The following YPEL5 variants were observed in gnomAD, a reference collection of about 807,000 sequenced individuals.
YPEL5 encodes protein yippee-like 5.
A neutral mutation model predicts 10.5 loss-of-function variants in YPEL5; 1 was observed. The observed-to-expected ratio is 0.10, with a 90% CI of 0.03 to 0.45. YPEL5 has a LOEUF of 0.45. Among genes scored for constraint, YPEL5 ranks in the 20% least tolerant of loss-of-function variants. YPEL5 has a pLI of 0.97. For missense variants in YPEL5, 68 were observed against 159.3 expected, an observed-to-expected ratio of 0.43 and a Z score of 3.09; for synonymous variants, 61 against 56.6, an observed-to-expected ratio of 1.08 and a Z score of -0.35.
In YPEL5 at chr2:30,155,362, C is replaced by T. The variant is rs553170388; in HGVS notation, c.-24-1266C>T. ...AGACCGCCTAATGGCTGGGGAAGTTCATAGACCTAGAAGGAATGGAATTTC... is the reference window on the plus strand; with the variant it reads ...AGACCGCCTAATGGCTGGGGAAGTTTATAGACCTAGAAGGAATGGAATTTC... On this transcript the variant is annotated intron_variant, in intron 1 of 2. Coordinates refer to ENST00000261353, the MANE Select transcript of YPEL5 (RefSeq NM_016061.3). Among the ~76,000 whole-genome samples, 428 of 152,264 alleles carry T rather than the reference C, an allele frequency of 2.8e-3. 3 individuals are homozygous for T. The highest frequency in any genetic ancestry group is 4.8e-3 in the Non-Finnish European group (326 of 68,022).
intron 1 of YPEL5, among the ~76,000 whole-genome samples, chr2:30,150,836 CAGA>C (rs1319856842): frequency 6.6e-6 from 1 of 152,210 alleles, no homozygotes; most frequent in African/African-American, 2.4e-5. Context: ...CTTTGCAAGC[CAGA>C]AGGTTTCTGT....
In YPEL5 at chr2:30,147,035, G is replaced by C. The variant is rs1675424894; in HGVS notation, c.-52G>C. 1.3e-5 allele frequency: 2 copies of C among 152,478 alleles called. No homozygotes were observed. The highest frequency in any genetic ancestry group is 4.1e-4 in the South Asian group (2 of 4,850). The allele number at this position is 152,478 out of a possible 1,614,324, so 9.4% of individuals were successfully genotyped here. A position where few individuals can be genotyped will look rare whatever the true frequency, so the allele number is the denominator to read the frequency against. ...CCAGCTGAAGAGCGACAAGCCGCTG[G>C]CAGCCGCGGATCTCACCGCCGCTCA... On this transcript the variant is annotated 5_prime_UTR_variant, in exon 1 of 3. Transcript: ENST00000261353.
intron 2 of YPEL5, among the ~76,000 whole-genome samples, chr2:30,157,843 A>C (rs1216983390): frequency 6.6e-6 from 1 of 152,222 alleles, no homozygotes; most frequent in Non-Finnish European, 1.5e-5. Flanking sequence ...GGCACACTGC[A>C]GCAGGACAGC....
At chr2:30,152,565 C>CAGGAAGGG (rs1287010063) in intron 1 of YPEL5, among the ~76,000 whole-genome samples, 1 of 152,176 alleles carries the variant, frequency 6.6e-6, no homozygotes, top group African/African-American at 2.4e-5. Flanking sequence ...AGCATGGAAG[C>CAGGAAGGG]AGGAAGGGCT....
chr2:30,151,710 T>G (rs998457383), intron 1 of YPEL5, among the ~76,000 whole-genome samples: 2 of 152,180 alleles, frequency 1.3e-5, no homozygotes, highest in African/African-American at 4.8e-5. Flanking sequence ...TATGATGAGT[T>G]TAGCTCTCAT....
rs999407724 is a variant in YPEL5, at chr2:30,159,441, C to G, written c.*598C>G. On this transcript the variant is annotated 3_prime_UTR_variant, in exon 3 of 3. Transcript: ENST00000261353. ...GATGTCACCATTCCTAGTTATTTGT[C>G]ACCACATAATTGGTGTTGATTGGAA... The G allele has an allele frequency of 7.2e-5, 11 of 152,844 alleles. No homozygotes were observed. Among genetic ancestry groups the G allele is most frequent in the African/African-American group, 2.7e-4 (11 of 41,436 alleles). 9.5% of individuals were successfully genotyped at this position (152,844 alleles called of 1,614,324 possible). A position where few individuals can be genotyped will look rare whatever the true frequency, so the allele number is the denominator to read the frequency against.
At chr2:30,153,440 CTG>C (rs1257125381) in intron 1 of YPEL5, among the ~76,000 whole-genome samples, 3 of 152,196 alleles carry the variant, frequency 2.0e-5, no homozygotes, top group African/African-American at 7.2e-5. Context: ...TTTGAGGGCT[CTG>C]TGCTTGTGAC....
intron 1 of YPEL5, among the ~76,000 whole-genome samples, chr2:30,151,879 C>A (rs982205606): frequency 1.3e-5 from 2 of 152,170 alleles, no homozygotes; most frequent in Non-Finnish European, 2.9e-5. Flanking sequence ...CTGAAGAGAT[C>A]TGGGATTACT....
chr2:30,157,231 C>T (rs553872951), intron 2 of YPEL5, among the ~76,000 whole-genome samples: 2 of 151,282 alleles, frequency 1.3e-5, no homozygotes, highest in East Asian at 3.9e-4. Flanking sequence ...TGTGGTGAGC[C>T]GAGATAGCGC....
chr2:30,156,897 G>T (rs1470922593), intron 2 of YPEL5, 105 bp downstream of exon 2: 2 of 1,359,736 alleles, frequency 1.5e-6, no homozygotes, highest in Non-Finnish European at 2.0e-6. Context: ...GAGTCAGAAT[G>T]AGAGCTTGAA....
intron 1 of YPEL5, among the ~76,000 whole-genome samples, chr2:30,155,290 T>G (rs571768994): frequency 6.6e-6 from 1 of 152,346 alleles, no homozygotes; most frequent in African/African-American, 2.4e-5. Flanking sequence ...TCATAATGTT[T>G]AAGGGGAGTC....
intron 1 of YPEL5, among the ~76,000 whole-genome samples, chr2:30,155,159 A>C (rs1002333913): frequency 2.0e-5 from 3 of 152,250 alleles, no homozygotes; most frequent in African/African-American, 7.2e-5. Context: ...TAAATATTAT[A>C]GCTTAAGTCT....
chr2:30,148,601 A>C (rs1558353744), intron 1 of YPEL5: 1 of 152,270 alleles, frequency 6.6e-6, no homozygotes, highest in African/African-American at 2.4e-5. Flanking sequence ...AACTTAATCA[A>C]AAGTCGTGGA....
chr2:30,147,261 C>T (rs996932459), intron 1 of YPEL5, among the ~76,000 whole-genome samples, 199 bp downstream of exon 1: 1 of 151,808 alleles, frequency 6.6e-6, no homozygotes, highest in African/African-American at 2.4e-5. Flanking sequence ...GCTGGGACCG[C>T]GGGCGGACGC....
intron 2 of YPEL5, among the ~76,000 whole-genome samples, chr2:30,157,166 C>G (rs990715077): frequency 2.6e-5 from 4 of 151,850 alleles, no homozygotes; most frequent in Non-Finnish European, 5.9e-5. Context: ...GCCTCTAGTC[C>G]CAGCTACTCG....
intron 2 of YPEL5, among the ~76,000 whole-genome samples, chr2:30,158,204 G>A (rs1676125349): frequency 6.6e-6 from 1 of 152,206 alleles, no homozygotes; most frequent in South Asian, 2.1e-4. Flanking sequence ...CTGACAGACT[G>A]TTTTATGGAA....
chr2:30,157,494 T>A (rs1346517775), intron 2 of YPEL5, among the ~76,000 whole-genome samples: 5 of 152,162 alleles, frequency 3.3e-5, no homozygotes, highest in Admixed American at 1.3e-4. Flanking sequence ...TCTAACCAAC[T>A]TTTCATGCTC....
At chr2:30,147,446 C>G (rs1467284017) in intron 1 of YPEL5, 3 of 149,170 alleles carry the variant, frequency 2.0e-5, no homozygotes, top group East Asian at 2.0e-4. Context: ...CCACGGCGCC[C>G]CCTGGGCGGA....
chr2:30,148,259 T>G (rs1400093510), intron 1 of YPEL5: 1 of 152,254 alleles, frequency 6.6e-6, no homozygotes, highest in African/African-American at 2.4e-5. Context: ...CTGTTGGTAA[T>G]CTGAGGATTT....
Sources: gnomAD v4.1 joint callset for allele counts (sites outside exome capture counted in the v4.1 genomes callset) on GRCh38, gnomAD v4.1.1 for gene constraint, MANE v1.5 for transcripts, NCBI Gene and HGNC (gene_info 2026-07-23, HGNC 2026-07-21) for gene names.